STRBP: variants seen among roughly 807,000 people sequenced by gnomAD.
STRBP encodes spermatid perinuclear RNA-binding protein.
STRBP carries 13 observed loss-of-function variants against 80.1 expected under a neutral mutation model. The observed-to-expected ratio is 0.16, with a 90% CI of 0.11 to 0.26. The LOEUF (loss-of-function observed/expected upper bound fraction) is 0.26, where lower values mean the gene tolerates loss of function less well. STRBP is among the 10% of genes least tolerant of loss of function. The pLI, the probability that STRBP is intolerant of heterozygous loss-of-function variation, is 1.00. For synonymous variants in STRBP, 284 were observed against 291.2 expected, an observed-to-expected ratio of 0.98 and a Z score of 0.25; for missense variants, 485 against 815.2, an observed-to-expected ratio of 0.59 and a Z score of 4.93.
At chr9:123,157,946 G>A in intron 11 of STRBP, 66 bp downstream of exon 11, 2 of 1,140,276 alleles carry the variant, frequency 1.8e-6, no homozygotes, top group African/African-American at 1.5e-5. Flanking sequence ...TGTAATGAGA[G>A]ATGAATCCCA....
intron 2 of STRBP, among the ~76,000 whole-genome samples, chr9:123,228,453 G>T (rs898495461): frequency 5.9e-5 from 9 of 152,332 alleles, no homozygotes; most frequent in Admixed American, 5.9e-4. Flanking sequence ...CCAATAAAAT[G>T]TGTGTGTGGG....
intron 2 of STRBP, among the ~76,000 whole-genome samples, chr9:123,210,783 C>A (rs574988986): frequency 6.6e-6 from 1 of 151,224 alleles, no homozygotes; most frequent in Admixed American, 6.6e-5. Flanking sequence ...GAGCCAAGAT[C>A]GTGCCACTGC....
intron 2 of STRBP, among the ~76,000 whole-genome samples, chr9:123,221,562 C>T (rs1260253908): frequency 1.3e-5 from 2 of 152,184 alleles, no homozygotes; most frequent in Non-Finnish European, 2.9e-5. Flanking sequence ...CAATAGTTAA[C>T]GTTTTGCTAC....
intron 2 of STRBP, among the ~76,000 whole-genome samples, chr9:123,220,571 A>G (rs2040035350): frequency 6.6e-6 from 1 of 152,212 alleles, no homozygotes; most frequent in Non-Finnish European, 1.5e-5. Flanking sequence ...AACAACTAAA[A>G]TGGCATGTAG....
intron 16 of STRBP, among the ~76,000 whole-genome samples, chr9:123,135,244 A>C (rs2036303320): frequency 6.6e-6 from 1 of 152,066 alleles, no homozygotes; most frequent in Non-Finnish European, 1.5e-5. Flanking sequence ...ATCTAAATAT[A>C]ATGTTTAATG....
intron 3 of STRBP, among the ~76,000 whole-genome samples, chr9:123,182,719 C>T (rs1306557494): frequency 6.6e-6 from 1 of 152,108 alleles, no homozygotes; most frequent in Non-Finnish European, 1.5e-5. Context: ...TTTAAAGAAA[C>T]ATCACCAGGC....
chr9:123,210,611 G>A (rs912489212), intron 2 of STRBP, among the ~76,000 whole-genome samples: 5 of 152,076 alleles, frequency 3.3e-5, no homozygotes, highest in South Asian at 2.1e-4. Flanking sequence ...GGTGGATCAC[G>A]AGGTCAGGAG....
At chr9:123,148,769 G>C (rs1564237798) in intron 11 of STRBP, among the ~76,000 whole-genome samples, 1 of 152,092 alleles carries the variant, frequency 6.6e-6, no homozygotes, top group Non-Finnish European at 1.5e-5. Flanking sequence ...GTAAAGTCTT[G>C]TATCATTGCC....
intron 2 of STRBP, among the ~76,000 whole-genome samples, chr9:123,231,438 T>C (rs1319916656): frequency 1.3e-5 from 2 of 152,164 alleles, no homozygotes; most frequent in East Asian, 3.9e-4. Flanking sequence ...GCATAAAACA[T>C]ATAAGCGCAA....
intron 11 of STRBP, among the ~76,000 whole-genome samples, chr9:123,155,318 G>A (rs1056672570): frequency 6.6e-6 from 1 of 152,124 alleles, no homozygotes; most frequent in Non-Finnish European, 1.5e-5. Context: ...TTACAGGATT[G>A]CCCAGCAACA....
intron 2 of STRBP, among the ~76,000 whole-genome samples, chr9:123,235,224 A>G (rs1463620410): frequency 6.6e-6 from 1 of 152,012 alleles, no homozygotes; most frequent in Non-Finnish European, 1.5e-5. Flanking sequence ...AAAATTTTGC[A>G]TGTAACTTTT....
In STRBP at chr9:123,268,416, GCCCCGCCGCCGGAGCCTAC is replaced by G. The variant is rs2041327382; in HGVS notation, c.-302+1_-302+19del. The G allele has an allele frequency of 6.6e-6, 1 of 151,102 alleles. No homozygotes were observed. Among genetic ancestry groups the G allele is most frequent in the South Asian group, 1.8e-4 (1 of 5,666 alleles). 9.4% of individuals were successfully genotyped at this position (151,102 alleles called of 1,614,324 possible). A position where few individuals can be genotyped will look rare whatever the true frequency, so the allele number is the denominator to read the frequency against. Reference sequence around the variant, plus strand: ...GGGACGGCCCGCCGCGCAGGCGCCCGCCCCGCCGCCGGAGCCTACCCGCGCCGCCGCGCTCTGCCCGCGC... The same window carrying G: ...GGGACGGCCCGCCGCGCAGGCGCCCGCCGCGCCGCCGCGCTCTGCCCGCGC... On this transcript the variant is annotated splice_donor_variant and splice_donor_5th_base_variant and intron_variant, in intron 1 of 18. Coordinates refer to ENST00000348403, the MANE Select transcript of STRBP (RefSeq NM_018387.5). LOFTEE classifies it low-confidence loss of function (5UTR_SPLICE).
At chr9:123,207,735 A>G (rs1342367510) in intron 2 of STRBP, among the ~76,000 whole-genome samples, 1 of 152,148 alleles carries the variant, frequency 6.6e-6, no homozygotes, top group Non-Finnish European at 1.5e-5. Context: ...AGTATAATAA[A>G]AAGTTCAAAA....
At position 123,250,467 on chromosome 9, in the gene STRBP, C is replaced by T. The variant is rs568581743; in HGVS notation, c.-301-13501G>A. 4.1e-4 allele frequency among the ~76,000 whole-genome samples: 62 copies of T among 152,032 alleles called. No individual in the cohort carries two copies. The Middle Eastern group carries it at 0.01, about 25-fold the overall frequency. The stretch of plus-strand genomic sequence containing the variant: ...GATACAACTCACATAAACAAGAGAT[C>T]GTTGGGGTCCTCGATAATGTTTAAG... On this transcript the variant is annotated intron_variant, in intron 1 of 18. Transcript: ENST00000348403.
intron 5 of STRBP, among the ~76,000 whole-genome samples, chr9:123,173,087 A>G (rs1228530266): frequency 6.6e-6 from 1 of 152,186 alleles, no homozygotes; most frequent in African/African-American, 2.4e-5. Flanking sequence ...GAACCCCAGA[A>G]TGGTTACCTT....
At chr9:123,132,070 CA>C (rs1256634786) in intron 17 of STRBP, among the ~76,000 whole-genome samples, 1 of 152,104 alleles carries the variant, frequency 6.6e-6, no homozygotes, top group East Asian at 1.9e-4. Context: ...GTTAAAATGA[CA>C]TAAGAATTAG....
In STRBP at chr9:123,124,420, T is replaced by C. The variant is rs1257449469; in HGVS notation, c.*1177A>G. 1.0e-6 allele frequency: 1 copy of C among 985,408 alleles called. No homozygotes were observed. The highest frequency in any genetic ancestry group is 1.7e-5 in the African/African-American group (1 of 57,342). 61.0% of individuals were successfully genotyped at this position (985,408 alleles called of 1,614,324 possible). ...GCACCCTTTACAGAACAGCACAATG[T>C]TACCCACTGATCCATTTCCACCAGC... On this transcript the variant is annotated 3_prime_UTR_variant, in exon 19 of 19. Transcript: ENST00000348403.
chr9:123,156,610 G>A (rs2037295742), intron 11 of STRBP, among the ~76,000 whole-genome samples: 1 of 149,176 alleles, frequency 6.7e-6, no homozygotes, highest in African/African-American at 2.5e-5. Flanking sequence ...TCAGAGCAAC[G>A]ATCTCATCAC....
chr9:123,257,500 A>AT (rs1409448474), intron 1 of STRBP, among the ~76,000 whole-genome samples: 1 of 152,176 alleles, frequency 6.6e-6, no homozygotes, highest in Non-Finnish European at 1.5e-5. Flanking sequence ...TCATAAAAGT[A>AT]TAAAAGTCAG....
Sources: allele counts gnomAD v4.1 joint callset (sites outside exome capture counted in the v4.1 genomes callset), GRCh38; gene constraint gnomAD v4.1.1; transcripts MANE v1.5; gene names NCBI Gene and HGNC (gene_info 2026-07-23, HGNC 2026-07-21).